Variants in ZFAT observed in about 807,000 individuals in gnomAD.
ZFAT encodes the protein zinc finger protein ZFAT.
Under a neutral mutation model 117.7 loss-of-function variants are expected in ZFAT, and 64 were observed. The ratio of observed to expected loss-of-function variants is 0.54; its 90% CI spans 0.44 to 0.67. The LOEUF is 0.67. Among genes scored for constraint, ZFAT ranks in the 30% least tolerant of loss-of-function variants. The pLI is 0.00. For missense variants in ZFAT, 1,433 were observed against 1,584.5 expected (o/e 0.90, Z 1.62); for synonymous variants, 679 against 615.0 (o/e 1.10, Z -1.54).
At chr8:134,765,647 A>G in the ZFAT span, 3 of 152,202 alleles carry the variant, frequency 2.0e-5, no homozygotes, top group Non-Finnish European at 4.4e-5. Flanking sequence ...GAAGTGAGTT[A>G]TAACGTTTAG....
chr8:134,650,482 A>G (rs1292008074), intron 2 of ZFAT, among the ~76,000 whole-genome samples: 1 of 152,184 alleles, frequency 6.6e-6, no homozygotes, highest in Non-Finnish European at 1.5e-5. Context: ...CAGCAGTTTG[A>G]GAATGGACTA....
the ZFAT span, chr8:134,800,391 C>A: frequency 5.0e-6 from 2 of 397,458 alleles, no homozygotes; most frequent in Admixed American, 7.1e-5. Flanking sequence ...AATTAACACA[C>A]TTTTTCTCTG....
intron 11 of ZFAT, among the ~76,000 whole-genome samples, chr8:134,546,753 T>C (rs950443553): frequency 2.0e-5 from 3 of 152,216 alleles, no homozygotes; most frequent in Admixed American, 2.0e-4. Flanking sequence ...TCAATCTAGC[T>C]CTACTGTCTA....
chr8:134,656,263 T>G (rs1202074791), intron 2 of ZFAT, among the ~76,000 whole-genome samples: 1 of 152,164 alleles, frequency 6.6e-6, no homozygotes, highest in Non-Finnish European at 1.5e-5. Flanking sequence ...CGCTACTGGT[T>G]GAGACGCAAT....
chr8:134,713,727 TGATGTTAAG>T (rs1294080900), upstream of ZFAT, among the ~76,000 whole-genome samples: 1 of 152,164 alleles, frequency 6.6e-6, no homozygotes, highest in East Asian at 1.9e-4. Context: ...TTTTTGGTTT[TGATGTTAAG>T]GTGTTTAGCT....
chr8:134,584,788 C>T lies in ZFAT; in HGVS notation c.2714-783G>A, dbSNP rs370268342. Among the ~76,000 whole-genome samples, 10 of 133,258 alleles carry T rather than the reference C, an allele frequency of 7.5e-5. No individual in the cohort carries two copies. The East Asian group carries it at 2.2e-3, about 29-fold the overall frequency. The allele number at this position is 133,258 out of a possible 152,430, so 87.4% of individuals were successfully genotyped here. A position where few individuals can be genotyped will look rare whatever the true frequency, so the allele number is the denominator to read the frequency against. On this transcript the variant is annotated intron_variant, in intron 9 of 15. Coordinates refer to ENST00000377838, the MANE Select transcript of ZFAT (RefSeq NM_020863.4). Reference sequence around the variant, plus strand: ...GTGCTATAGGGACAGGGGCTGGGGCCGGGGGAAGGGGAAAGAGGGCGGGGA... The same window carrying T: ...GTGCTATAGGGACAGGGGCTGGGGCTGGGGGAAGGGGAAAGAGGGCGGGGA...
intron 11 of ZFAT, among the ~76,000 whole-genome samples, chr8:134,560,910 C>T (rs1824002063): frequency 6.6e-6 from 1 of 152,208 alleles, no homozygotes; most frequent in South Asian, 2.1e-4. Context: ...AGTTCAGCAA[C>T]ATTCATCTTG....
intron 15 of ZFAT, among the ~76,000 whole-genome samples, chr8:134,503,209 G>A (rs1238749679): frequency 6.6e-6 from 1 of 152,214 alleles, no homozygotes; most frequent in Non-Finnish European, 1.5e-5. Flanking sequence ...ACTCCTGGGG[G>A]TTAGTGTGCC....
intron 15 of ZFAT, among the ~76,000 whole-genome samples, chr8:134,501,572 G>A (rs1465429817): frequency 1.3e-5 from 2 of 152,186 alleles, no homozygotes; most frequent in East Asian, 3.8e-4. Context: ...AACTGAAGAT[G>A]CTAGGGTTCC....
chr8:134,737,665 C>T, the ZFAT span, among the ~76,000 whole-genome samples: 7 of 152,122 alleles, frequency 4.6e-5, no homozygotes, highest in Non-Finnish European at 8.8e-5. Flanking sequence ...GTGGGGAGTA[C>T]CCTGACTCGG....
intron 7 of ZFAT, chr8:134,594,688 A>T (rs1826792478): frequency 6.6e-6 from 1 of 152,156 alleles, no homozygotes; most frequent in South Asian, 2.1e-4. Context: ...CCTTACGAAC[A>T]TCATCTCGCT....
At position 134,569,598 on chromosome 8, in the gene ZFAT, TATGCTACTCAGAGGCCCC is replaced by T. The variant is rs1824729803; in HGVS notation, c.2888-4195_2888-4178del. On this transcript the variant is annotated intron_variant, in intron 10 of 15. Coordinates refer to ENST00000377838, the MANE Select transcript of ZFAT (RefSeq NM_020863.4). Reference sequence around the variant, plus strand: ...CTGAGTGACCCTGGGTTCTTTCTTCTATGCTACTCAGAGGCCCCATTAGAAAAATGGGGAGGTAATCCC... The same window carrying T: ...CTGAGTGACCCTGGGTTCTTTCTTCTATTAGAAAAATGGGGAGGTAATCCC... Among the ~76,000 whole-genome samples, 3 of 152,112 alleles carry T rather than the reference TATGCTACTCAGAGGCCCC, an allele frequency of 2.0e-5. No homozygotes were observed. The South Asian group carries it at 6.2e-4, about 32-fold the overall frequency.
At chr8:134,768,218 C>T in the ZFAT span, among the ~76,000 whole-genome samples, 39 of 152,288 alleles carry the variant, frequency 2.6e-4, no homozygotes, top group African/African-American at 8.7e-4. Context: ...AAAATTCTCA[C>T]ATCATTTTCA....
intron 12 of ZFAT, among the ~76,000 whole-genome samples, chr8:134,526,216 A>G (rs1821014585): frequency 6.6e-6 from 1 of 152,230 alleles, no homozygotes; most frequent in African/African-American, 2.4e-5. Flanking sequence ...ACATTCTTAT[A>G]TTATATTTAA....
At chr8:134,637,853 A>G in intron 2 of ZFAT, 141 bp from the exon 3 acceptor site, 1 of 1,159,458 alleles carries the variant, frequency 8.6e-7, no homozygotes, top group Non-Finnish European at 1.2e-6. Context: ...AGACATTAAC[A>G]GCTGCAAACA....
intron 13 of ZFAT, among the ~76,000 whole-genome samples, chr8:134,518,646 T>C (rs1045216101): frequency 3.3e-5 from 5 of 151,972 alleles, no homozygotes; most frequent in African/African-American, 1.2e-4. Flanking sequence ...TATAGGCCTT[T>C]TATAAAGATA....
At chr8:134,497,682 C>A (rs1193696814) in intron 15 of ZFAT, among the ~76,000 whole-genome samples, 1 of 67,736 alleles carries the variant, frequency 1.5e-5, no homozygotes, top group African/African-American at 5.8e-5. Context: ...GGGGTGGAGC[C>A]AGGATGCCCC....
At chr8:134,802,066 A>G in the ZFAT span, among the ~76,000 whole-genome samples, 1 of 152,206 alleles carries the variant, frequency 6.6e-6, no homozygotes, top group African/African-American at 2.4e-5. Context: ...ACAGCAATGG[A>G]CTGTTTCACC....
At chr8:134,623,545 C>A (rs1162614614) in intron 3 of ZFAT, among the ~76,000 whole-genome samples, 1 of 152,196 alleles carries the variant, frequency 6.6e-6, no homozygotes. Context: ...TGCCACCATT[C>A]ACCCTGGTCC....
Sources: allele counts gnomAD v4.1 joint callset (sites outside exome capture counted in the v4.1 genomes callset), GRCh38; gene constraint gnomAD v4.1.1; transcripts MANE v1.5; gene names NCBI Gene and HGNC (gene_info 2026-07-23, HGNC 2026-07-21).